EPB41L4A: variants seen among roughly 807,000 people sequenced by gnomAD.
The protein encoded by EPB41L4A is erythrocyte membrane protein band 4.1 like 4A, also known as band 4.1-like protein 4A.
Under a neutral mutation model 108.6 loss-of-function variants are expected in EPB41L4A, and 100 were observed. The ratio of observed to expected loss-of-function variants is 0.92; its 90% confidence interval spans 0.78 to 1.09. EPB41L4A has a LOEUF of 1.09. Ranked by LOEUF, EPB41L4A falls within the 50% of genes least tolerant of loss-of-function variation. The pLI, the probability that EPB41L4A is intolerant of heterozygous loss-of-function variation, is 0.00. For synonymous variants in EPB41L4A, 319 were observed against 289.0 expected (o/e 1.10, Z -1.05); for missense variants, 1,030 against 842.7 (o/e 1.22, Z -2.75).
chr5:112,248,153 G>C (rs1035681740), intron 9 of EPB41L4A, among the ~76,000 whole-genome samples: 1 of 152,154 alleles, frequency 6.6e-6, no homozygotes, highest in Non-Finnish European at 1.5e-5. Flanking sequence ...ATACTAAAAG[G>C]AGGCTTAACA....
chr5:112,252,403 G>A (rs1750742560), intron 9 of EPB41L4A, among the ~76,000 whole-genome samples: 1 of 152,060 alleles, frequency 6.6e-6, no homozygotes, highest in Non-Finnish European at 1.5e-5. Flanking sequence ...GAGCTCCTCG[G>A]AAGAATGGCT....
At chr5:112,174,806 A>C (rs1428167000) in intron 18 of EPB41L4A, among the ~76,000 whole-genome samples, 1 of 152,186 alleles carries the variant, frequency 6.6e-6, no homozygotes, top group African/African-American at 2.4e-5. Flanking sequence ...ACTCCTCTGA[A>C]AGGAAATTTA....
At chr5:112,419,696 C>G (rs915391672), upstream of EPB41L4A, 11 of 456,582 alleles carry the variant, frequency 2.4e-5, no homozygotes, top group African/African-American at 4.0e-5. Flanking sequence ...TCCGCTACCC[C>G]GTCCCCCAGC....
At chr5:112,208,244 CAAAAAA>C (rs68152475) in intron 13 of EPB41L4A, among the ~76,000 whole-genome samples, 17 of 85,110 alleles carry the variant, frequency 2.0e-4, no homozygotes, top group East Asian at 3.8e-4. Flanking sequence ...GACTCCATCT[CAAAAAA>C]AAAAAAAAAA....
chr5:112,208,436 C>T (rs759651610), intron 13 of EPB41L4A, among the ~76,000 whole-genome samples: 14 of 151,920 alleles, frequency 9.2e-5, no homozygotes, highest in Admixed American at 6.6e-5. Flanking sequence ...GCAACACGGA[C>T]GCAACTGGAG....
At chr5:112,406,005 T>C (rs961322753) in intron 1 of EPB41L4A, among the ~76,000 whole-genome samples, 9 of 152,202 alleles carry the variant, frequency 5.9e-5, no homozygotes, top group African/African-American at 2.2e-4. Context: ...TATGGTCACA[T>C]AGCATTGGTC....
intron 1 of EPB41L4A, among the ~76,000 whole-genome samples, chr5:112,378,526 A>G (rs1015699200): frequency 6.6e-5 from 10 of 152,304 alleles, no homozygotes; most frequent in African/African-American, 2.4e-4. Flanking sequence ...TTTCCCAGAC[A>G]TTGTTTCCTC....
chr5:112,151,646 G>A lies in EPB41L4A; in HGVS notation n.995-5648C>T, dbSNP rs143549026. ...TGGTCTCAAAATCTTGAGCTCAGGC[G>A]ATCCACCTGCCTTGGCCTCCTGAAA... On this transcript the variant is annotated intron_variant and non_coding_transcript_variant, in intron 12 of 13. Coordinates refer to the EPB41L4A transcript ENST00000507810. Among the ~76,000 whole-genome samples the A allele has an allele frequency of 5.3e-5, 8 of 151,936 alleles. No individual in the cohort carries two copies. In the East Asian group the frequency reaches 7.7e-4, roughly 15 times the overall value.
intron 17 of EPB41L4A, among the ~76,000 whole-genome samples, chr5:112,186,583 A>G (rs1302584635): frequency 3.9e-5 from 6 of 152,350 alleles, no homozygotes; most frequent in Admixed American, 2.6e-4. Flanking sequence ...TCAAAGACAG[A>G]TGCCCTCTAC....
chr5:112,418,312 G>A (rs1381036124), intron 1 of EPB41L4A, among the ~76,000 whole-genome samples: 5 of 152,276 alleles, frequency 3.3e-5, no homozygotes, highest in Admixed American at 6.5e-5. Context: ...GGCTCTCTAG[G>A]TTAATGTAGT....
At chr5:112,349,112 G>C (rs1757873375) in intron 1 of EPB41L4A, among the ~76,000 whole-genome samples, 2 of 152,218 alleles carry the variant, frequency 1.3e-5, no homozygotes, top group Admixed American at 1.3e-4. Context: ...CGGAAGGTTG[G>C]TGATGACACA....
At chr5:112,268,577 C>T (rs1031293603) in intron 4 of EPB41L4A, among the ~76,000 whole-genome samples, 3 of 151,906 alleles carry the variant, frequency 2.0e-5, no homozygotes, top group Non-Finnish European at 4.4e-5. Context: ...ACTTTGTGCA[C>T]AGTGGTTCAC....
At chr5:112,402,899 A>C (rs1261709008) in intron 1 of EPB41L4A, among the ~76,000 whole-genome samples, 1 of 152,214 alleles carries the variant, frequency 6.6e-6, no homozygotes, top group Non-Finnish European at 1.5e-5. Flanking sequence ...AGGAAGATTA[A>C]GCCTTCCTAG....
intron 1 of EPB41L4A, among the ~76,000 whole-genome samples, chr5:112,368,496 C>A (rs1291846155): frequency 1.3e-5 from 2 of 152,104 alleles, no homozygotes; most frequent in Non-Finnish European, 2.9e-5. Flanking sequence ...CTATATAAGT[C>A]TTTCCAGCTA....
chr5:112,419,571 C>T (rs538992160), upstream of EPB41L4A: 39 of 447,574 alleles, frequency 8.7e-5, no homozygotes, highest in African/African-American at 7.6e-4. Context: ...GACCCCGCCC[C>T]GCAGCCCCGG....
intron 18 of EPB41L4A, among the ~76,000 whole-genome samples, chr5:112,172,386 C>A (rs575911642): frequency 6.6e-6 from 1 of 152,072 alleles, no homozygotes. Context: ...GTGGCATGTG[C>A]CTGTAATTCC....
chr5:112,360,501 C>G (rs1035587315), intron 1 of EPB41L4A, among the ~76,000 whole-genome samples: 1 of 152,216 alleles, frequency 6.6e-6, no homozygotes, highest in Non-Finnish European at 1.5e-5. Context: ...TCTCCAGCTC[C>G]TGACCGCGAG....
intron 1 of EPB41L4A, among the ~76,000 whole-genome samples, chr5:112,344,138 T>C (rs184042291): frequency 1.9e-3 from 296 of 152,252 alleles, no homozygotes; most frequent in African/African-American, 6.7e-3. Context: ...AATAGGATTA[T>C]GGTTTTTTAA....
chr5:112,234,895 C>T (rs1749220245), intron 11 of EPB41L4A, 140 bp from the exon 12 acceptor site: 2 of 860,642 alleles, frequency 2.3e-6, no homozygotes, highest in Non-Finnish European at 3.4e-6. Context: ...ATTCTCATTG[C>T]AATATTGATC....
Sources: allele counts gnomAD v4.1 joint callset (sites outside exome capture counted in the v4.1 genomes callset), GRCh38; gene constraint gnomAD v4.1.1; transcripts MANE v1.5; gene names NCBI Gene and HGNC (gene_info 2026-07-23, HGNC 2026-07-21).